C1QTNF7: variants seen among roughly 807,000 people sequenced by gnomAD.
C1QTNF7 encodes C1q and TNF related 7, also known as complement C1q tumor necrosis factor-related protein 7.
Under a neutral mutation model 19.6 loss-of-function variants are expected in C1QTNF7, and 15 were observed. The observed-to-expected ratio is 0.76, with a 90% CI of 0.51 to 1.18. C1QTNF7 has a LOEUF of 1.18. Ranked by LOEUF, C1QTNF7 falls within the 50% of genes most tolerant of loss-of-function variation. The pLI is 0.00. For synonymous variants in C1QTNF7, 142 were observed against 137.5 expected (o/e 1.03, Z -0.23); for missense variants, 324 against 359.7 (o/e 0.90, Z 0.80).
At chr4:15,352,599 G>C (rs1397765946) in intron 1 of C1QTNF7, among the ~76,000 whole-genome samples, 4 of 152,216 alleles carry the variant, frequency 2.6e-5, no homozygotes, top group East Asian at 1.9e-4. Flanking sequence ...AGAAGGGCTT[G>C]AGCAAGGTTC....
At chr4:15,374,767 A>T (rs1717865030) in intron 1 of C1QTNF7, 3 of 980,478 alleles carry the variant, frequency 3.1e-6, no homozygotes, top group Non-Finnish European at 3.6e-6. Flanking sequence ...TCTTGTGAGC[A>T]ATGTAAGTAA....
At chr4:15,389,523 G>A (rs747263672) in intron 1 of C1QTNF7, among the ~76,000 whole-genome samples, 8 of 152,120 alleles carry the variant, frequency 5.3e-5, no homozygotes, top group Non-Finnish European at 1.2e-4. Flanking sequence ...AGGTTCAAGC[G>A]ATTCTCCTGC....
chr4:15,383,838 A>G (rs772058031), intron 1 of C1QTNF7, among the ~76,000 whole-genome samples: 1 of 152,342 alleles, frequency 6.6e-6, no homozygotes, highest in Non-Finnish European at 1.5e-5. Context: ...ACAGAGATGC[A>G]TGGTGTTAGA....
chr4:15,350,936 A>T (rs529684450), intron 1 of C1QTNF7, among the ~76,000 whole-genome samples: 1 of 152,336 alleles, frequency 6.6e-6, no homozygotes, highest in East Asian at 1.9e-4. Context: ...ATCCAAAGAG[A>T]CAGCAAAATG....
chr4:15,342,714 C>G (rs1188131902), intron 1 of C1QTNF7, among the ~76,000 whole-genome samples: 2 of 152,200 alleles, frequency 1.3e-5, no homozygotes, highest in African/African-American at 2.4e-5. Context: ...GTAGCTTGGG[C>G]CTGGCGGGGC....
At chr4:15,416,882 A>C (rs1357980133) in intron 1 of C1QTNF7, among the ~76,000 whole-genome samples, 1 of 152,190 alleles carries the variant, frequency 6.6e-6, no homozygotes, top group Admixed American at 6.5e-5. Flanking sequence ...AAGAAAAATC[A>C]GCTGAAGTGC....
chr4:15,406,769 A>G (rs1719209106), intron 1 of C1QTNF7, among the ~76,000 whole-genome samples: 1 of 152,238 alleles, frequency 6.6e-6, no homozygotes, highest in Non-Finnish European at 1.5e-5. Context: ...CATATATAGT[A>G]AGAGATAATA....
chr4:15,361,615 A>G (rs1045314801), intron 1 of C1QTNF7, among the ~76,000 whole-genome samples: 3 of 152,196 alleles, frequency 2.0e-5, no homozygotes, highest in African/African-American at 7.2e-5. Context: ...GCAATATTTC[A>G]GCCAGACATT....
At chr4:15,380,602 GA>G (rs1418775764) in intron 1 of C1QTNF7, among the ~76,000 whole-genome samples, 1 of 152,210 alleles carries the variant, frequency 6.6e-6, no homozygotes, top group Non-Finnish European at 1.5e-5. Context: ...AGGGAATCTG[GA>G]AGTCTGCGTA....
chr4:15,420,960 C>A (rs77377963), intron 1 of C1QTNF7, among the ~76,000 whole-genome samples: 2 of 147,936 alleles, frequency 1.4e-5, no homozygotes, highest in Non-Finnish European at 3.0e-5. Context: ...ATTGTTTTGG[C>A]TGGAAGTGAA....
At chr4:15,433,342 C>A (rs1712408530) in intron 1 of C1QTNF7, among the ~76,000 whole-genome samples, 3 of 151,898 alleles carry the variant, frequency 2.0e-5, no homozygotes, top group African/African-American at 7.3e-5. Context: ...AGGGGGGTGA[C>A]TTTATTGCTG....
At chr4:15,410,794 A>T (rs1237206862) in intron 1 of C1QTNF7, among the ~76,000 whole-genome samples, 1 of 152,178 alleles carries the variant, frequency 6.6e-6, no homozygotes, top group African/African-American at 2.4e-5. Context: ...TGGTTTTCAG[A>T]ACTATTAGGG....
At chr4:15,371,939 G>C (rs1717750506) in intron 1 of C1QTNF7, among the ~76,000 whole-genome samples, 1 of 152,132 alleles carries the variant, frequency 6.6e-6, no homozygotes. Context: ...GGAAAGGAAA[G>C]GAAAGGGTCA....
At chr4:15,433,206 T>A (rs1348128976) in intron 1 of C1QTNF7, among the ~76,000 whole-genome samples, 1 of 152,108 alleles carries the variant, frequency 6.6e-6, no homozygotes, top group Non-Finnish European at 1.5e-5. Context: ...TTGGTAGAGA[T>A]GGGGTCTTGC....
At chr4:15,356,461 G>C (rs965082962) in intron 1 of C1QTNF7, among the ~76,000 whole-genome samples, 2 of 152,152 alleles carry the variant, frequency 1.3e-5, no homozygotes, top group African/African-American at 4.8e-5. Context: ...AGTATTCCAC[G>C]GTGTATATGT....
At chr4:15,391,351 TC>T (rs1286215154) in intron 1 of C1QTNF7, among the ~76,000 whole-genome samples, 1 of 151,980 alleles carries the variant, frequency 6.6e-6, no homozygotes, top group Non-Finnish European at 1.5e-5. Context: ...CATGAATTAA[TC>T]ACTCTAACTT....
chr4:15,373,646 C>T (rs1040684296), intron 1 of C1QTNF7, among the ~76,000 whole-genome samples: 3 of 152,088 alleles, frequency 2.0e-5, no homozygotes, highest in African/African-American at 7.2e-5. Context: ...GTGGCCAAGC[C>T]TTGATTTTCT....
intron 1 of C1QTNF7, among the ~76,000 whole-genome samples, chr4:15,352,741 C>G (rs1360800450): frequency 6.6e-6 from 1 of 152,116 alleles, no homozygotes; most frequent in African/African-American, 2.4e-5. Context: ...TAGGAGTGGC[C>G]ATTCTCAGCA....
chr4:15,369,110 T>C (rs1717632595), intron 1 of C1QTNF7, among the ~76,000 whole-genome samples: 1 of 152,232 alleles, frequency 6.6e-6, no homozygotes, highest in Non-Finnish European at 1.5e-5. Context: ...TTCATTTCCC[T>C]CGGCTTCTTC....
Sources: gnomAD v4.1 joint callset for allele counts (sites outside exome capture counted in the v4.1 genomes callset) on GRCh38, gnomAD v4.1.1 for gene constraint, MANE v1.5 for transcripts, NCBI Gene and HGNC (gene_info 2026-07-23, HGNC 2026-07-21) for gene names.